The following NDFIP2 variants were observed in gnomAD, a reference collection of about 807,000 sequenced individuals.
NDFIP2 encodes NEDD4 family-interacting protein 2.
NDFIP2 carries 19 observed loss-of-function variants against 36.0 expected under a neutral mutation model. The ratio of observed to expected loss-of-function variants is 0.53; its 90% CI spans 0.37 to 0.77. The LOEUF (loss-of-function observed/expected upper bound fraction) is 0.77. Among genes scored for constraint, NDFIP2 ranks in the 30% least tolerant of loss-of-function variants. NDFIP2 has a pLI of 0.00. For missense variants in NDFIP2, 446 were observed against 435.8 expected (o/e 1.02, Z -0.21); for synonymous variants, 181 against 167.7 (o/e 1.08, Z -0.61).
chr13:79,538,395 T>C (rs894511907), intron 3 of NDFIP2, among the ~76,000 whole-genome samples: 1 of 152,178 alleles, frequency 6.6e-6, no homozygotes, highest in Non-Finnish European at 1.5e-5. Flanking sequence ...AAGCCTCATC[T>C]GAGACAAGGC....
intron 1 of NDFIP2, among the ~76,000 whole-genome samples, chr13:79,513,899 A>G (rs1171674333): frequency 6.6e-6 from 1 of 152,174 alleles, no homozygotes; most frequent in Non-Finnish European, 1.5e-5. Context: ...ATTTTGTAAG[A>G]TTTCAAGAAG....
intron 2 of NDFIP2, among the ~76,000 whole-genome samples, chr13:79,521,787 A>G (rs1487302357): frequency 6.7e-6 from 1 of 150,098 alleles, no homozygotes; most frequent in African/African-American, 2.4e-5. Flanking sequence ...AATGAAGCTA[A>G]TACATGCTTA....
At chr13:79,485,158 G>T (rs568513251) in intron 1 of NDFIP2, among the ~76,000 whole-genome samples, 1 of 152,262 alleles carries the variant, frequency 6.6e-6, no homozygotes, top group Admixed American at 6.5e-5. Flanking sequence ...TCGTGCAGTG[G>T]GTTTGCATCA....
chr13:79,520,751 T>C, intron 1 of NDFIP2, 59 bp from the exon 2 acceptor site: 1 of 1,463,010 alleles, frequency 6.8e-7, no homozygotes, highest in South Asian at 1.4e-5. Context: ...AAAATCAGCT[T>C]AAAATTTAAA....
At position 79,494,793 on chromosome 13, in the gene NDFIP2, G is replaced by A. The variant is rs1873375850; in HGVS notation, c.321+13269G>A. 2.6e-5 allele frequency among the ~76,000 whole-genome samples: 4 copies of A among 151,962 alleles called. No homozygotes were observed. The South Asian group carries it at 8.3e-4, about 31-fold the overall frequency. Reference sequence around the variant, plus strand: ...GGTTAAACATTTTTTAAGACATTGAGTTTGCTGACATAAAGCTCATTTTAA... The same window carrying A: ...GGTTAAACATTTTTTAAGACATTGAATTTGCTGACATAAAGCTCATTTTAA... On this transcript the variant is annotated intron_variant, in intron 1 of 7. Coordinates refer to ENST00000218652, the MANE Select transcript of NDFIP2 (RefSeq NM_019080.3).
At chr13:79,541,567 T>C (rs1246912303) in intron 4 of NDFIP2, among the ~76,000 whole-genome samples, 1 of 151,988 alleles carries the variant, frequency 6.6e-6, no homozygotes, top group African/African-American at 2.4e-5. Flanking sequence ...TTTTTTTTTC[T>C]GGCAGGCTAT....
rs1300551694 is a variant in NDFIP2, at chr13:79,554,486, A to C, written c.*1973A>C. On this transcript the variant is annotated 3_prime_UTR_variant, in exon 8 of 8. Transcript: ENST00000218652. ...ATGTGCTTGTTTTCTGAATATGGAT[A>C]CATGTTACTTTTGATCCAGCATCAA... 1.3e-5 allele frequency: 2 copies of C among 151,792 alleles called. No homozygotes were observed. The highest frequency in any genetic ancestry group is 3.0e-5 in the Non-Finnish European group (2 of 67,764). 9.4% of individuals were successfully genotyped at this position (151,792 alleles called of 1,614,324 possible). A position where few individuals can be genotyped will look rare whatever the true frequency, so the allele number is the denominator to read the frequency against.
At chr13:79,526,937 A>G (rs1874819406) in intron 2 of NDFIP2, among the ~76,000 whole-genome samples, 1 of 152,176 alleles carries the variant, frequency 6.6e-6, no homozygotes, top group Non-Finnish European at 1.5e-5. Flanking sequence ...GCCTGTGTTC[A>G]CATAGCTTCT....
In NDFIP2 at chr13:79,481,326, G is replaced by A; in HGVS notation, c.123G>A (p.Ala41=). 1.3e-6 allele frequency: 2 copies of A among 1,545,268 alleles called. No homozygotes were observed. Among genetic ancestry groups the A allele is most frequent in the Non-Finnish European group, 1.7e-6 (2 of 1,146,900 alleles). Residue 41 remains alanine, a synonymous_variant, in exon 1 of 8, where the codon GCG becomes GCA. Transcript: ENST00000218652. ...ATNAEVSAAA[A]GATGSEELPP... ...ACGCGGAGGTCTCGGCGGCCGCTGC[G>A]GGAGCCACAGGAAGTGAAGAGCTTC... is the stretch of plus-strand genomic sequence containing the variant.
At chr13:79,491,569 C>T (rs1029460778) in intron 1 of NDFIP2, among the ~76,000 whole-genome samples, 1 of 152,160 alleles carries the variant, frequency 6.6e-6, no homozygotes, top group Non-Finnish European at 1.5e-5. Context: ...GATTACTTGG[C>T]AACTATTTTC....
At position 79,540,486 on chromosome 13, in the gene NDFIP2, A is replaced by G. The variant is rs550554422; in HGVS notation, c.715+711A>G. On this transcript the variant is annotated intron_variant, in intron 4 of 7. Coordinates refer to ENST00000218652, the MANE Select transcript of NDFIP2 (RefSeq NM_019080.3). ...AGTGGTAGAAACCCAATATTCATTT[A>G]AGTAAGTTTATTAGTCTATGATATA... 3.9e-5 allele frequency among the ~76,000 whole-genome samples: 6 copies of G among 152,148 alleles called. No individual in the cohort carries two copies. The South Asian group carries it at 1.2e-3, about 32-fold the overall frequency.
chr13:79,533,178 T>C (rs1232870220), intron 2 of NDFIP2, 145 bp from the exon 3 acceptor site: 1 of 481,654 alleles, frequency 2.1e-6, no homozygotes, highest in Non-Finnish European at 3.5e-6. Context: ...GTAATAGTAA[T>C]TTATATATTT....
At chr13:79,498,336 A>G (rs7331575) in intron 1 of NDFIP2, among the ~76,000 whole-genome samples, 1,717 of 152,022 alleles carry the variant, frequency 0.011, 35 homozygotes, top group African/African-American at 0.04. Flanking sequence ...TAAATTTTCT[A>G]GTGGATATGG....
chr13:79,510,533 A>C (rs765767856), intron 1 of NDFIP2, among the ~76,000 whole-genome samples: 1 of 152,134 alleles, frequency 6.6e-6, no homozygotes, highest in Non-Finnish European at 1.5e-5. Flanking sequence ...AGATACACAC[A>C]GGGGAGAACC....
At chr13:79,547,300 T>G (rs1875724233) in intron 5 of NDFIP2, among the ~76,000 whole-genome samples, 1 of 152,124 alleles carries the variant, frequency 6.6e-6, no homozygotes, top group African/African-American at 2.4e-5. Flanking sequence ...ATTGGAAATC[T>G]TTACTTATAA....
intron 1 of NDFIP2, among the ~76,000 whole-genome samples, chr13:79,493,376 G>T (rs1301655195): frequency 1.3e-5 from 2 of 152,134 alleles, no homozygotes; most frequent in South Asian, 4.1e-4. Context: ...TATATCCTTT[G>T]CTTTTATAAT....
chr13:79,481,664 CT>C, intron 1 of NDFIP2, 140 bp downstream of exon 1: 1 of 1,066,218 alleles, frequency 9.4e-7, no homozygotes, highest in Non-Finnish European at 1.3e-6. Flanking sequence ...GATCTTCTGG[CT>C]GGAGCTGCTT....
intron 6 of NDFIP2, 43 bp downstream of exon 6, chr13:79,548,437 C>A (rs201935176): frequency 7.2e-7 from 1 of 1,380,312 alleles, no homozygotes; most frequent in Non-Finnish European, 1.0e-6. Context: ...TGGATATTTC[C>A]AAAAACTGTA....
Position 79,533,356 on chromosome 13 carries a change from C to T in NDFIP2, c.521C>T (p.Pro174Leu). The change falls in exon 3 of 8, where the codon CCA becomes CTA. Residue 174 changes from proline (P) to leucine (L), a missense_variant. By Grantham distance (98) the Pro-to-Leu change is moderately conservative. This residue lies in a region of NDFIP2 where 369 missense variants were observed against 304.8 expected (regional missense o/e 1.21). Transcript: ENST00000218652. Reference protein sequence around the residue: ...TEVYGEFYPVPPPYSVATSLP... With the variant: ...TEVYGEFYPVLPPYSVATSLP... The stretch of plus-strand genomic sequence containing the variant: ...GTTTACGGTGAGTTTTATCCCGTGC[C>T]ACCTCCCTATAGCGTTGCTACCTCT... 1.2e-6 allele frequency: 2 copies of T among 1,608,894 alleles called. No homozygotes were observed. The highest frequency in any genetic ancestry group is 1.3e-5 in the African/African-American group (1 of 74,790).
Sources: gnomAD v4.1 joint callset for allele counts (sites outside exome capture counted in the v4.1 genomes callset) on GRCh38, gnomAD v4.1.1 for gene constraint, gnomAD v4.1.1 regional missense constraint, MANE v1.5 for transcripts, NCBI Gene and HGNC (gene_info 2026-07-23, HGNC 2026-07-21) for gene names.